TRPM2: variants seen among roughly 807,000 people sequenced by gnomAD.
The protein encoded by TRPM2 is estrogen-responsive element-associated gene 1 protein.
In TRPM2, 161 loss-of-function variants were observed where a neutral mutation model predicts 174.0. The observed-to-expected ratio is 0.93, with a 90% CI of 0.81 to 1.05. The LOEUF (loss-of-function observed/expected upper bound fraction) is 1.05, where lower values mean the gene tolerates loss of function less well. Among genes scored for constraint, TRPM2 ranks in the 50% least tolerant of loss-of-function variants. The pLI, the probability that TRPM2 is intolerant of heterozygous loss-of-function variation, is 0.00. For missense variants in TRPM2, 2,057 were observed against 2,038.0 expected (o/e 1.01, Z -0.18); for synonymous variants, 954 against 861.3 (o/e 1.11, Z -1.88).
intron 2 of TRPM2, 120 bp from the exon 3 acceptor site, chr21:44,363,994 G>A (rs2048287094): frequency 8.4e-6 from 9 of 1,075,154 alleles, no homozygotes; most frequent in South Asian, 8.3e-5. Flanking sequence ...GGAAGGGCAG[G>A]TGCTTTGTTT....
intron 20 of TRPM2, among the ~76,000 whole-genome samples, chr21:44,417,352 G>A (rs1424526699): frequency 1.3e-4 from 14 of 105,902 alleles, no homozygotes; most frequent in Non-Finnish European, 1.8e-4. Flanking sequence ...GCACGTGGGC[G>A]TGGCTCTGCT....
At chr21:44,372,940 C>T (rs1039546851) in intron 5 of TRPM2, among the ~76,000 whole-genome samples, 2 of 152,148 alleles carry the variant, frequency 1.3e-5, no homozygotes, top group Non-Finnish European at 2.9e-5. Flanking sequence ...CATTTTATCC[C>T]GTCTCTGTCC....
chr21:44,401,607 G>T, intron 15 of TRPM2, 74 bp from the exon 16 acceptor site: 1 of 1,495,010 alleles, frequency 6.7e-7, no homozygotes, highest in Non-Finnish European at 9.2e-7. Flanking sequence ...GGGATCACGG[G>T]GTGGCCAAAG....
At chr21:44,375,709 A>G (rs1419380440) in intron 5 of TRPM2, 124 bp from the exon 6 acceptor site, 1 of 1,160,844 alleles carries the variant, frequency 8.6e-7, no homozygotes, top group East Asian at 2.6e-5. Context: ...TTTCTCCAAT[A>G]AGGCCACGTC....
chr21:44,412,608 T>C (rs2050142006), intron 19 of TRPM2, among the ~76,000 whole-genome samples: 1 of 151,984 alleles, frequency 6.6e-6, no homozygotes. Flanking sequence ...ATTCTAATCT[T>C]CATTCTTTCC....
At chr21:44,419,564 G>GTGGTTGTGCTGGTAATGT (rs2050439307) in intron 22 of TRPM2, among the ~76,000 whole-genome samples, 1 of 130 alleles carries the variant, frequency 7.7e-3, no homozygotes, top group Non-Finnish European at 0.014. Context: ...GATGGTGATG[G>GTGGTTGTGCTGGTAATGT]TGGTGGTGGT....
At position 44,439,710 on chromosome 21, in the gene TRPM2, T is replaced by C. The variant is rs1371251158; in HGVS notation, c.4269+542T>C. Among the ~76,000 whole-genome samples the C allele has an allele frequency of 1.3e-5, 2 of 152,158 alleles. No homozygotes were observed. The highest frequency in any genetic ancestry group is 2.1e-4 in the South Asian group (1 of 4,828). On this transcript the variant is annotated intron_variant, in intron 30 of 31. Transcript: ENST00000397928. This position sits in a 1 kb window ranked among gnomAD's most constrained non-coding sequence, Gnocchi z 5.1. ...TCTCCAGCTCTCTCACACAAATGCATGCACACTTTTTTTTTAATTTTTATT... is the reference window on the plus strand; with the variant it reads ...TCTCCAGCTCTCTCACACAAATGCACGCACACTTTTTTTTTAATTTTTATT...
At chr21:44,402,710 G>A (rs1481513915) in intron 16 of TRPM2, among the ~76,000 whole-genome samples, 1 of 152,170 alleles carries the variant, frequency 6.6e-6, no homozygotes, top group African/African-American at 2.4e-5. Flanking sequence ...AGCTGGGCGA[G>A]GCCAAGCTGC....
Position 44,399,769 on chromosome 21 carries a change from A to C in TRPM2, c.2208+328A>C, listed in dbSNP as rs1386222156. 1.3e-5 allele frequency among the ~76,000 whole-genome samples: 2 copies of C among 152,138 alleles called. No individual in the cohort carries two copies. Among genetic ancestry groups the C allele is most frequent in the African/African-American group, 2.4e-5 (1 of 41,426 alleles). On this transcript the variant is annotated intron_variant, in intron 14 of 31. Transcript: ENST00000397928. The surrounding 1 kb of genome is among the most constrained non-coding windows in gnomAD (Gnocchi z 4.6). ...TCTGCCCTCTCTCCCTGGAGGGATA[A>C]GCGGGACACGGCGTGTCCTCCCTGG... is the stretch of plus-strand genomic sequence containing the variant.
intron 27 of TRPM2, among the ~76,000 whole-genome samples, chr21:44,430,010 C>T (rs1427915759): frequency 2.6e-5 from 4 of 152,104 alleles, no homozygotes; most frequent in Non-Finnish European, 5.9e-5. Flanking sequence ...GTTTTTCTGC[C>T]ATTGATTGAG....
Position 44,399,316 on chromosome 21 carries a change from C to G in TRPM2, c.2083C>G (p.Arg695Gly), listed in dbSNP as rs368229451. 1 of 1,612,506 alleles carries G rather than the reference C, an allele frequency of 6.2e-7. No individual in the cohort carries two copies. The highest frequency in any genetic ancestry group is 1.7e-5 in the Admixed American group (1 of 59,966). Reference sequence around the variant, plus strand: ...CCCAGGGGTCTTCACCGAGTGCTACCGGAAGGACGAAGAGAGAGCCCAGAA... The same window carrying G: ...CCCAGGGGTCTTCACCGAGTGCTACGGGAAGGACGAAGAGAGAGCCCAGAA... ...RAIGVFTECY[R>G]KDEERAQKLL... The change falls in exon 14 of 32, where the codon CGG (arginine) becomes GGG (glycine). Residue 695 changes from arginine to glycine, a missense_variant. Physicochemically the swap from Arg to Gly is moderately radical, Grantham distance 125. Transcript: ENST00000397928. This position sits in a 1 kb window ranked among gnomAD's most constrained non-coding sequence, Gnocchi z 4.6.
At chr21:44,396,520 C>T (rs1184381634) in intron 12 of TRPM2, among the ~76,000 whole-genome samples, 1 of 14,014 alleles carries the variant, frequency 7.1e-5, no homozygotes. Context: ...GGTGTGGAGG[C>T]TGTGGAGGGG....
In TRPM2 at chr21:44,391,176, G is replaced by A. The variant is rs2049161888; in HGVS notation, c.1441-96G>A. ...GGCAGCTTTCATCCTCCCCAGGTTGGGGACAACAGCAGCCCCCATCTCCAG... is the reference window on the plus strand; with the variant it reads ...GGCAGCTTTCATCCTCCCCAGGTTGAGGACAACAGCAGCCCCCATCTCCAG... On this transcript the variant is annotated intron_variant, in intron 10 of 31. Transcript: ENST00000397928. This position sits in a 1 kb window ranked among gnomAD's most constrained non-coding sequence, Gnocchi z 5.0. 2 of 1,535,612 alleles carry A rather than the reference G, an allele frequency of 1.3e-6. No individual in the cohort carries two copies. The highest frequency in any genetic ancestry group is 3.6e-5 in the Admixed American group (2 of 55,212).
chr21:44,406,091 CG>C, intron 18 of TRPM2, 54 bp downstream of exon 18: 1 of 1,591,916 alleles, frequency 6.3e-7, no homozygotes, highest in Non-Finnish European at 8.5e-7. Flanking sequence ...GGGTGGGCCT[CG>C]GGGAGGGCAG....
Position 44,399,345 on chromosome 21 carries a change from G to T in TRPM2, c.2112G>T (p.Leu704=), listed in dbSNP as rs1395436944. Residue 704 remains leucine, a synonymous_variant, in exon 14 of 32, where the codon CTG becomes CTT. Transcript: ENST00000397928. This position sits in a 1 kb window ranked among gnomAD's most constrained non-coding sequence, Gnocchi z 4.6. The part of the protein sequence containing the change: ...YRKDEERAQK[L]LTRVSEAWGK... The stretch of plus-strand genomic sequence containing the variant: ...AGGACGAAGAGAGAGCCCAGAAACT[G>T]CTCACCCGCGTGTCCGAGGCCTGGG... The T allele has an allele frequency of 3.1e-6, 5 of 1,612,712 alleles. No individual in the cohort carries two copies. Among genetic ancestry groups the T allele is most frequent in the Non-Finnish European group, 4.2e-6 (5 of 1,179,910 alleles).
intron 2 of TRPM2, 32 bp from the exon 3 acceptor site, chr21:44,364,082 C>A: frequency 1.2e-6 from 2 of 1,604,614 alleles, no homozygotes; most frequent in Non-Finnish European, 8.5e-7. Flanking sequence ...GGGCACCACA[C>A]TCCCTGGGTG....
Position 44,376,825 on chromosome 21 carries a change from TG to T in TRPM2, c.952+815del, listed in dbSNP as rs1207895287. ...CCCTGGAGGGTTCCTCACCAGCTTG[TG>T]GGCCCCAGCCCCAGGGTCCAACTCA... is the stretch of plus-strand genomic sequence containing the variant. On this transcript the variant is annotated intron_variant, in intron 6 of 31. Coordinates refer to ENST00000397928, the MANE Select transcript of TRPM2 (RefSeq NM_003307.4). The surrounding 1 kb of genome is among the most constrained non-coding windows in gnomAD (Gnocchi z 4.2). 6.6e-6 allele frequency among the ~76,000 whole-genome samples: 1 copy of T among 152,174 alleles called. No homozygotes were observed. The highest frequency in any genetic ancestry group is 2.4e-5 in the African/African-American group (1 of 41,424).
intron 5 of TRPM2, among the ~76,000 whole-genome samples, chr21:44,373,001 C>A (rs1397886340): frequency 6.6e-6 from 1 of 152,136 alleles, no homozygotes; most frequent in Non-Finnish European, 1.5e-5. Context: ...TTGTGAAAAC[C>A]TTGCAGTCCT....
intron 20 of TRPM2, chr21:44,415,350 G>A (rs1243888369): frequency 6.6e-6 from 1 of 152,214 alleles, no homozygotes; most frequent in Non-Finnish European, 1.5e-5. Flanking sequence ...ATTATCTGGG[G>A]TTATCTGCAT....
Sources: allele counts gnomAD v4.1 joint callset (sites outside exome capture counted in the v4.1 genomes callset), GRCh38; gene constraint gnomAD v4.1.1; non-coding constraint Gnocchi (gnomAD v3.1); transcripts MANE v1.5; gene names NCBI Gene and HGNC (gene_info 2026-07-23, HGNC 2026-07-21).